The following SCHIP1 variants were observed in gnomAD, a reference collection of about 807,000 sequenced individuals.
SCHIP1 encodes the protein schwannomin-interacting protein 1.
SCHIP1 carries 8 observed loss-of-function variants against 29.7 expected under a neutral mutation model. The ratio of observed to expected loss-of-function variants is 0.27; its 90% CI spans 0.16 to 0.49. SCHIP1 has a LOEUF of 0.49. Among genes scored for constraint, SCHIP1 ranks in the 20% least tolerant of loss-of-function variants. The pLI, the probability that SCHIP1 is intolerant of heterozygous loss-of-function variation, is 0.99. For missense variants in SCHIP1, 193 were observed against 294.6 expected, an observed-to-expected ratio of 0.66 and a Z score of 2.52; for synonymous variants, 76 against 94.9, an observed-to-expected ratio of 0.80 and a Z score of 1.16.
intron 1 of SCHIP1, among the ~76,000 whole-genome samples, chr3:159,855,257 T>A (rs981704811): frequency 3.5e-4 from 53 of 152,228 alleles, no homozygotes; most frequent in Non-Finnish European, 5.7e-4. Flanking sequence ...TTCATTATAA[T>A]TATCCTTCTT....
chr3:159,595,793 C>T, the SCHIP1 span, among the ~76,000 whole-genome samples: 1 of 152,144 alleles, frequency 6.6e-6, no homozygotes, highest in African/African-American at 2.4e-5. Context: ...TTGTTGTTCA[C>T]TAAACTGAAC....
chr3:159,823,669 C>T, the SCHIP1 span, among the ~76,000 whole-genome samples: 7 of 152,270 alleles, frequency 4.6e-5, 2 homozygotes. Flanking sequence ...ATGCCTTTTC[C>T]TTCCCAGACT....
the SCHIP1 span, among the ~76,000 whole-genome samples, chr3:159,821,548 A>G: frequency 2.6e-5 from 4 of 152,196 alleles, no homozygotes; most frequent in African/African-American, 2.4e-5. Context: ...TCTTCAACCC[A>G]TAAATTTAAT....
the SCHIP1 span, among the ~76,000 whole-genome samples, chr3:159,582,162 T>C: frequency 2.0e-5 from 3 of 151,862 alleles, no homozygotes; most frequent in African/African-American, 7.3e-5. Context: ...TGTTGTTGGG[T>C]TTTTTTGTTT....
At chr3:159,429,515 C>A in the SCHIP1 span, among the ~76,000 whole-genome samples, 1 of 152,080 alleles carries the variant, frequency 6.6e-6, no homozygotes, top group Non-Finnish European at 1.5e-5. Context: ...TAGCAGGCAC[C>A]AAGGAGAGCA....
the SCHIP1 span, among the ~76,000 whole-genome samples, chr3:159,547,068 T>A: frequency 3.3e-4 from 50 of 152,296 alleles, 1 homozygote; most frequent in African/African-American, 1.1e-3. Flanking sequence ...TTTCTCCACA[T>A]CCTCACCAGC....
chr3:159,765,347 A>G, the SCHIP1 span: 48 of 555,472 alleles, frequency 8.6e-5, no homozygotes, highest in African/African-American at 9.2e-4. Context: ...GGATGGGCGG[A>G]GAGGAAGGAG....
chr3:159,629,144 C>T, the SCHIP1 span, among the ~76,000 whole-genome samples: 1 of 150,376 alleles, frequency 6.6e-6, no homozygotes, highest in East Asian at 1.9e-4. Context: ...TAAACAAAAA[C>T]ACACACACAC....
At chr3:159,476,617 G>A in the SCHIP1 span, among the ~76,000 whole-genome samples, 2 of 152,008 alleles carry the variant, frequency 1.3e-5, no homozygotes, top group Non-Finnish European at 2.9e-5. Context: ...ATTAAAAAAT[G>A]GAAATACAAA....
chr3:159,299,940 G>A, the SCHIP1 span, among the ~76,000 whole-genome samples: 1 of 152,002 alleles, frequency 6.6e-6, no homozygotes, highest in Admixed American at 6.6e-5. Flanking sequence ...GTCTGGCTAT[G>A]TCATTCCCTC....
the SCHIP1 span, among the ~76,000 whole-genome samples, chr3:159,535,002 A>G: frequency 3.3e-5 from 5 of 152,248 alleles, no homozygotes; most frequent in East Asian, 9.7e-4. Context: ...TACAAGCAGA[A>G]GAAAAGGCAA....
At chr3:159,394,994 C>A in the SCHIP1 span, among the ~76,000 whole-genome samples, 11 of 152,168 alleles carry the variant, frequency 7.2e-5, no homozygotes, top group Admixed American at 2.0e-4. Context: ...AAATTCAGAT[C>A]CTGTTATTGG....
the SCHIP1 span, chr3:159,764,652 G>T: frequency 1.2e-6 from 2 of 1,601,396 alleles, no homozygotes; most frequent in Admixed American, 1.7e-5. This position sits in a 1 kb window ranked among gnomAD's most constrained non-coding sequence, Gnocchi z 6.1. Flanking sequence ...TGATTGATGA[G>T]TGGGCGCCGG....
the SCHIP1 span, among the ~76,000 whole-genome samples, chr3:159,562,166 C>A: frequency 6.6e-6 from 1 of 152,176 alleles, no homozygotes; most frequent in Non-Finnish European, 1.5e-5. Context: ...ATCCTTTGCT[C>A]GTTTTCAGTT....
At chr3:159,515,732 TG>T in the SCHIP1 span, among the ~76,000 whole-genome samples, 1 of 152,266 alleles carries the variant, frequency 6.6e-6, no homozygotes, top group South Asian at 2.1e-4. Context: ...ATAAAGCTCT[TG>T]GGTTTTGGGA....
At chr3:159,715,583 G>C in the SCHIP1 span, among the ~76,000 whole-genome samples, 3 of 152,200 alleles carry the variant, frequency 2.0e-5, no homozygotes, top group African/African-American at 7.2e-5. Flanking sequence ...GAAAACCATG[G>C]CACGAGAACT....
the SCHIP1 span, among the ~76,000 whole-genome samples, chr3:159,297,603 T>G: frequency 6.6e-6 from 1 of 151,970 alleles, no homozygotes; most frequent in Non-Finnish European, 1.5e-5. Context: ...TGGTAAAATG[T>G]TTTTTTAAAA....
the SCHIP1 span, among the ~76,000 whole-genome samples, chr3:159,432,339 T>TGTGTGTGA: frequency 1.4e-5 from 1 of 69,310 alleles, no homozygotes; most frequent in Non-Finnish European, 3.2e-5. Context: ...TGTGTGTGTG[T>TGTGTGTGA]GAGAGAGAGA....
chr3:159,659,490 T>G, the SCHIP1 span, among the ~76,000 whole-genome samples: 1 of 152,178 alleles, frequency 6.6e-6, no homozygotes, highest in Admixed American at 6.5e-5. Flanking sequence ...GGATGAGATA[T>G]TTACCTGCAT....
Sources: allele counts gnomAD v4.1 joint callset (sites outside exome capture counted in the v4.1 genomes callset), GRCh38; gene constraint gnomAD v4.1.1; non-coding constraint Gnocchi (gnomAD v3.1); transcripts MANE v1.5; gene names NCBI Gene and HGNC (gene_info 2026-07-23, HGNC 2026-07-21).